The following MAML1 variants were observed in gnomAD, a reference collection of about 807,000 sequenced individuals.
The protein encoded by MAML1 is mastermind-like protein 1.
MAML1 carries 14 observed loss-of-function variants against 77.1 expected under a neutral mutation model. The ratio of observed to expected loss-of-function variants is 0.18; its 90% CI spans 0.12 to 0.28. The LOEUF is 0.28. Among genes scored for constraint, MAML1 ranks in the 10% least tolerant of loss-of-function variants. The probability of loss-of-function intolerance (pLI) is 1.00; values close to 1 mark genes in which losing one functional copy is unlikely to be tolerated. For synonymous variants in MAML1, 516 were observed against 551.9 expected (o/e 0.93, Z 0.91); for missense variants, 1,217 against 1,327.8 (o/e 0.92, Z 1.30).
At chr5:179,759,498 C>T (rs959083196) in intron 1 of MAML1, among the ~76,000 whole-genome samples, 1 of 152,222 alleles carries the variant, frequency 6.6e-6, no homozygotes, top group Non-Finnish European at 1.5e-5. Context: ...CTTCTTCCTA[C>T]AGCACTTGGT....
chr5:179,745,916 C>G (rs1779371153), intron 1 of MAML1, among the ~76,000 whole-genome samples: 1 of 150,348 alleles, frequency 6.7e-6, no homozygotes, highest in East Asian at 1.9e-4. Flanking sequence ...TGCCTGTAAT[C>G]CCAGCTACTC....
chr5:179,775,264 G>T lies in MAML1; in HGVS notation c.*387G>T. On this transcript the variant is annotated 3_prime_UTR_variant, in exon 5 of 5. Coordinates refer to ENST00000292599, the MANE Select transcript of MAML1 (RefSeq NM_014757.5). ...AGACTGCTCCACTTACCCCAGTGCT[G>T]GGGACAAGTTTCTGTTGAAACTTTA... is the stretch of plus-strand genomic sequence containing the variant. 9.9e-7 allele frequency: 1 copy of T among 1,006,382 alleles called. No individual in the cohort carries two copies. The highest frequency in any genetic ancestry group is 4.6e-5 in the South Asian group (1 of 21,666). 62.3% of individuals were successfully genotyped at this position (1,006,382 alleles called of 1,614,324 possible). A position where few individuals can be genotyped will look rare whatever the true frequency, so the allele number is the denominator to read the frequency against.
intron 1 of MAML1, among the ~76,000 whole-genome samples, chr5:179,759,506 G>A (rs1353937055): frequency 6.6e-6 from 1 of 152,192 alleles, no homozygotes; most frequent in African/African-American, 2.4e-5. Flanking sequence ...TACAGCACTT[G>A]GTTCAGATTT....
chr5:179,758,729 G>A (rs529893671), intron 1 of MAML1, among the ~76,000 whole-genome samples: 2 of 151,646 alleles, frequency 1.3e-5, no homozygotes, highest in African/African-American at 2.4e-5. Context: ...CTGGCCCAGC[G>A]CGGTGGCTCA....
chr5:179,738,642 A>C (rs1460853361), intron 1 of MAML1, among the ~76,000 whole-genome samples: 3 of 152,116 alleles, frequency 2.0e-5, no homozygotes, highest in Admixed American at 2.0e-4. Flanking sequence ...AGTATTCCAT[A>C]TTCTTCTTTC....
intron 1 of MAML1, among the ~76,000 whole-genome samples, chr5:179,761,789 T>C (rs896591431): frequency 6.6e-6 from 1 of 152,178 alleles, no homozygotes; most frequent in African/African-American, 2.4e-5. Flanking sequence ...ACTGAAAATA[T>C]GGCCTATGTG....
chr5:179,745,133 C>T (rs544937869), intron 1 of MAML1, among the ~76,000 whole-genome samples: 1,949 of 152,040 alleles, frequency 0.013, 42 homozygotes, highest in African/African-American at 0.045. Flanking sequence ...TCTCGATCTC[C>T]TGACCTCGTG....
intron 1 of MAML1, among the ~76,000 whole-genome samples, chr5:179,760,762 G>A (rs1425880012): frequency 6.6e-6 from 1 of 152,084 alleles, no homozygotes; most frequent in Admixed American, 6.5e-5. Context: ...AGCAGAAGAG[G>A]ATACAAGAAA....
intron 2 of MAML1, among the ~76,000 whole-genome samples, chr5:179,767,595 T>C (rs1457937282): frequency 6.6e-6 from 1 of 152,250 alleles, no homozygotes; most frequent in Non-Finnish European, 1.5e-5. Context: ...AGCCAAAAAC[T>C]GTAAGCCATT....
chr5:179,753,665 T>TTA (rs1554150386), intron 1 of MAML1, among the ~76,000 whole-genome samples: 5 of 139,564 alleles, frequency 3.6e-5, no homozygotes, highest in East Asian at 5.1e-4. Context: ...TTTTTTTTTT[T>TTA]TTTTTTTTTT....
chr5:179,741,847 T>C (rs985413702), intron 1 of MAML1, among the ~76,000 whole-genome samples: 5 of 152,172 alleles, frequency 3.3e-5, no homozygotes, highest in African/African-American at 1.2e-4. Flanking sequence ...TTTTTCCCTC[T>C]GAGCATCTGC....
intron 1 of MAML1, among the ~76,000 whole-genome samples, chr5:179,743,519 A>C (rs1335087641): frequency 3.4e-5 from 5 of 148,242 alleles, no homozygotes; most frequent in African/African-American, 5.0e-5. Context: ...GGCGCCCACC[A>C]CCACGCCCGG....
intron 1 of MAML1, among the ~76,000 whole-genome samples, chr5:179,758,582 G>A (rs867875159): frequency 9.2e-5 from 14 of 151,862 alleles, no homozygotes; most frequent in South Asian, 4.1e-4. Context: ...TAGAAATGGC[G>A]TCTCACTGTG....
At chr5:179,750,636 T>A (rs1049361707) in intron 1 of MAML1, among the ~76,000 whole-genome samples, 1 of 152,080 alleles carries the variant, frequency 6.6e-6, no homozygotes, top group African/African-American at 2.4e-5. Context: ...AATTATTGTA[T>A]TTTTTGTAGA....
At chr5:179,741,465 A>T (rs1324503573) in intron 1 of MAML1, among the ~76,000 whole-genome samples, 1 of 152,110 alleles carries the variant, frequency 6.6e-6, no homozygotes, top group Non-Finnish European at 1.5e-5. Context: ...TGGGCGGATC[A>T]CTTGAGATCA....
chr5:179,752,110 G>A (rs969036304), intron 1 of MAML1, among the ~76,000 whole-genome samples: 2 of 151,754 alleles, frequency 1.3e-5, no homozygotes, highest in Non-Finnish European at 2.9e-5. Context: ...GGTGGATCAC[G>A]AGGTGAAGAG....
At chr5:179,740,795 G>A (rs1562547107) in intron 1 of MAML1, among the ~76,000 whole-genome samples, 1 of 152,144 alleles carries the variant, frequency 6.6e-6, no homozygotes, top group East Asian at 1.9e-4. Flanking sequence ...TTGTTTTGCG[G>A]GCAGGAGAGG....
intron 1 of MAML1, among the ~76,000 whole-genome samples, chr5:179,755,190 G>T (rs1008684671): frequency 6.6e-6 from 1 of 152,120 alleles, no homozygotes; most frequent in Admixed American, 6.5e-5. Context: ...CAGGATAACC[G>T]AACAGCACTT....
At chr5:179,735,690 CTATT>C (rs1185523268) in intron 1 of MAML1, among the ~76,000 whole-genome samples, 1 of 145,930 alleles carries the variant, frequency 6.9e-6, no homozygotes, top group Admixed American at 6.9e-5. Context: ...TGCACCTAGC[CTATT>C]TATTTTTTTT....
Sources: gnomAD v4.1 joint callset for allele counts (sites outside exome capture counted in the v4.1 genomes callset) on GRCh38, gnomAD v4.1.1 for gene constraint, MANE v1.5 for transcripts, NCBI Gene and HGNC (gene_info 2026-07-23, HGNC 2026-07-21) for gene names.